CDC42BPB: variants seen among roughly 807,000 people sequenced by gnomAD.
CDC42BPB encodes the protein CDC42 binding protein kinase beta.
CDC42BPB carries 37 observed loss-of-function variants against 214.9 expected under a neutral mutation model. The observed-to-expected ratio is 0.17, with a 90% CI of 0.13 to 0.23. CDC42BPB has a LOEUF of 0.23. Among genes scored for constraint, CDC42BPB ranks in the 10% least tolerant of loss-of-function variants. The probability of loss-of-function intolerance (pLI) is 1.00; values close to 1 mark genes in which losing one functional copy is unlikely to be tolerated. For missense variants in CDC42BPB, 1,694 were observed against 2,227.0 expected, an observed-to-expected ratio of 0.76 and a Z score of 4.82; for synonymous variants, 931 against 884.0, an observed-to-expected ratio of 1.05 and a Z score of -0.94.
At chr14:102,982,529 G>C (rs1489850773) in intron 7 of CDC42BPB, among the ~76,000 whole-genome samples, 1 of 152,212 alleles carries the variant, frequency 6.6e-6, no homozygotes, top group Non-Finnish European at 1.5e-5. Context: ...AGCACTTTGG[G>C]AGGCCAAGGT....
At chr14:103,041,617 T>C (rs1047542633) in intron 1 of CDC42BPB, 30 of 772,902 alleles carry the variant, frequency 3.9e-5, no homozygotes, top group African/African-American at 5.1e-5. Flanking sequence ...GCACACCGCG[T>C]TGGGACCCAT....
intron 1 of CDC42BPB, among the ~76,000 whole-genome samples, chr14:103,038,354 A>C (rs572106185): frequency 3.9e-5 from 6 of 152,012 alleles, no homozygotes; most frequent in African/African-American, 1.4e-4. Context: ...AAAAAAAAAA[A>C]AAACCAAAAC....
chr14:102,961,320 A>T (rs974695128), intron 20 of CDC42BPB, among the ~76,000 whole-genome samples: 1 of 151,974 alleles, frequency 6.6e-6, no homozygotes, highest in Non-Finnish European at 1.5e-5. Context: ...CACACAAAAA[A>T]TTTTGAAAAC....
intron 32 of CDC42BPB, 33 bp from the exon 33 acceptor site, chr14:102,939,980 C>T (rs370794007): frequency 9.9e-6 from 16 of 1,613,492 alleles, no homozygotes; most frequent in African/African-American, 5.3e-5. Flanking sequence ...GACGGTGCTG[C>T]GGCACCAGGG....
chr14:102,953,783 G>A (rs1285280737), intron 23 of CDC42BPB, among the ~76,000 whole-genome samples: 1 of 152,224 alleles, frequency 6.6e-6, no homozygotes, highest in Non-Finnish European at 1.5e-5. Flanking sequence ...ATGCACTGCA[G>A]GGCCGTTTAT....
intron 36 of CDC42BPB, among the ~76,000 whole-genome samples, chr14:102,934,808 G>A (rs542591058): frequency 5.1e-4 from 77 of 151,994 alleles, no homozygotes; most frequent in African/African-American, 1.7e-3. Context: ...TCAGGAGATT[G>A]AGACCATCCT....
At chr14:102,977,261 C>G (rs148340569) in intron 9 of CDC42BPB, among the ~76,000 whole-genome samples, 1 of 151,320 alleles carries the variant, frequency 6.6e-6, no homozygotes, top group Admixed American at 6.6e-5. Context: ...ATCGCTTGAA[C>G]CCGGGAGGCA....
At chr14:102,953,817 A>C (rs780561685) in intron 23 of CDC42BPB, among the ~76,000 whole-genome samples, 4 of 152,344 alleles carry the variant, frequency 2.6e-5, no homozygotes, top group Admixed American at 6.5e-5. Flanking sequence ...CTCACCCACC[A>C]GCCACATGGT....
chr14:102,944,016 C>T lies in CDC42BPB; in HGVS notation c.4283G>A (p.Cys1428Tyr). ...CTCCTCGCTTTCGAGCTCCACAGCA[C>T]AAAGGGCATCAAAAGACTGTTGTGA... ...FLSQQSFDAL[C>Y]AVELESEEYL... Residue 1428 changes from cysteine (C) to tyrosine (Y), a missense_variant, in exon 30 of 37, where the codon TGT becomes TAT. Coordinates refer to ENST00000361246, the MANE Select transcript of CDC42BPB (RefSeq NM_006035.4). This position sits in a 1 kb window ranked among gnomAD's most constrained non-coding sequence, Gnocchi z 6.6. 1 of 1,613,450 alleles carries T rather than the reference C, an allele frequency of 6.2e-7. No individual in the cohort carries two copies. Among genetic ancestry groups the T allele is most frequent in the Non-Finnish European group, 8.5e-7 (1 of 1,180,020 alleles).
intron 18 of CDC42BPB, among the ~76,000 whole-genome samples, chr14:102,966,027 C>G (rs1053760556): frequency 4.6e-5 from 7 of 152,142 alleles, no homozygotes; most frequent in African/African-American, 1.7e-4. Flanking sequence ...TCTCTGAGGG[C>G]AGAATCCAGT....
intron 36 of CDC42BPB, among the ~76,000 whole-genome samples, chr14:102,937,330 G>A (rs1458864967): frequency 3.3e-5 from 5 of 152,262 alleles, no homozygotes; most frequent in African/African-American, 1.2e-4. Context: ...ACAGTAGGAT[G>A]GACAAAGGAT....
intron 1 of CDC42BPB, among the ~76,000 whole-genome samples, chr14:103,044,875 AAAGCAT>A (rs1221256302): frequency 6.6e-6 from 1 of 151,730 alleles, no homozygotes; most frequent in Non-Finnish European, 1.5e-5. Context: ...TCTCAATAGT[AAAGCAT>A]CAGTAGAAAT....
intron 16 of CDC42BPB, among the ~76,000 whole-genome samples, chr14:102,967,653 G>C (rs1240565319): frequency 6.6e-6 from 1 of 152,196 alleles, no homozygotes; most frequent in African/African-American, 2.4e-5. Context: ...CGCTGCCGGC[G>C]GCTGTAGCAC....
intron 1 of CDC42BPB, chr14:103,041,614 G>GCCCAT (rs1461455995): frequency 3.8e-5 from 30 of 788,852 alleles, no homozygotes; most frequent in Middle Eastern, 7.1e-4. Flanking sequence ...CCTGCACACC[G>GCCCAT]CGTTGGGACC....
At chr14:103,036,364 C>T (rs1243065108) in intron 1 of CDC42BPB, among the ~76,000 whole-genome samples, 1 of 151,858 alleles carries the variant, frequency 6.6e-6, no homozygotes, top group African/African-American at 2.4e-5. Context: ...ACCATGTTAG[C>T]CAGGATGGTC....
At chr14:103,028,661 C>T (rs1488808530) in intron 1 of CDC42BPB, among the ~76,000 whole-genome samples, 1 of 152,230 alleles carries the variant, frequency 6.6e-6, no homozygotes, top group Non-Finnish European at 1.5e-5. Flanking sequence ...TGAAAAGAAA[C>T]CCACAGCTTC....
chr14:103,014,058 C>G (rs781537649), intron 1 of CDC42BPB, among the ~76,000 whole-genome samples: 1 of 151,810 alleles, frequency 6.6e-6, no homozygotes, highest in African/African-American at 2.4e-5. Flanking sequence ...CCCAGTTACT[C>G]GCGAGGCTGA....
At chr14:102,962,345 T>C in intron 20 of CDC42BPB, among the ~76,000 whole-genome samples, 1 of 152,222 alleles carries the variant, frequency 6.6e-6, no homozygotes, top group East Asian at 1.9e-4. Context: ...GGAAATGTTC[T>C]ATCCATACAG....
At chr14:102,976,096 G>A (rs770145082) in intron 9 of CDC42BPB, 47 bp from the exon 10 acceptor site, 15 of 1,594,570 alleles carry the variant, frequency 9.4e-6, no homozygotes, top group Admixed American at 7.0e-5. Context: ...AAAATTTAGC[G>A]ATTTCATTAG....
Sources: allele counts gnomAD v4.1 joint callset (sites outside exome capture counted in the v4.1 genomes callset), GRCh38; gene constraint gnomAD v4.1.1; non-coding constraint Gnocchi (gnomAD v3.1); transcripts MANE v1.5; gene names NCBI Gene and HGNC (gene_info 2026-07-23, HGNC 2026-07-21).